PCCB: variants seen among roughly 807,000 people sequenced by gnomAD.
PCCB encodes propionyl-CoA carboxylase subunit beta.
A neutral mutation model predicts 60.7 loss-of-function variants in PCCB; 43 were observed. That is an observed-to-expected ratio of 0.71 (90% CI 0.55 to 0.91). The LOEUF is 0.91. Among genes scored for constraint, PCCB ranks in the 40% least tolerant of loss-of-function variants. The pLI is 0.00. For synonymous variants in PCCB, 276 were observed against 255.9 expected (o/e 1.08, Z -0.75); for missense variants, 766 against 702.8 (o/e 1.09, Z -1.02).
At chr3:136,298,213 T>A in intron 8 of PCCB, 141 bp downstream of exon 8, 1 of 995,810 alleles carries the variant, frequency 1.0e-6, no homozygotes, top group East Asian at 2.4e-5. Context: ...GGGGATGATG[T>A]CATGTTTGGC....
intron 6 of PCCB, 60 bp downstream of exon 6, chr3:136,284,007 A>C: frequency 2.0e-6 from 2 of 1,020,824 alleles, no homozygotes; most frequent in Non-Finnish European, 3.1e-6. Context: ...CTTACCTGCA[A>C]TAAAAATAAT....
chr3:136,261,486 TACTA>T (rs1310053403), intron 4 of PCCB, among the ~76,000 whole-genome samples: 4 of 152,234 alleles, frequency 2.6e-5, no homozygotes, highest in African/African-American at 7.2e-5. Flanking sequence ...CTGTCGGAAT[TACTA>T]ACCCATGAGG....
chr3:136,303,870 C>G (rs1275930267), intron 9 of PCCB, among the ~76,000 whole-genome samples: 1 of 122,726 alleles, frequency 8.1e-6, no homozygotes, highest in African/African-American at 2.5e-5. Context: ...CCACAAAGTG[C>G]TGGGATTACA....
intron 9 of PCCB, among the ~76,000 whole-genome samples, chr3:136,314,683 C>G (rs927018514): frequency 6.6e-6 from 1 of 150,486 alleles, no homozygotes; most frequent in Non-Finnish European, 1.5e-5. Flanking sequence ...AACAAAAAAA[C>G]AAAACAAAAA....
chr3:136,315,357 AAC>A (rs1256117757), intron 9 of PCCB, among the ~76,000 whole-genome samples: 1 of 151,550 alleles, frequency 6.6e-6, no homozygotes, highest in Non-Finnish European at 1.5e-5. Flanking sequence ...AACATGGTGA[AAC>A]CATCTCTAAA....
At chr3:136,324,474 T>C (rs140555794) in intron 10 of PCCB, among the ~76,000 whole-genome samples, 126 of 152,322 alleles carry the variant, frequency 8.3e-4, no homozygotes, top group African/African-American at 3.0e-3. Context: ...TCAACTTCTT[T>C]TCTTATTTCC....
In PCCB at chr3:136,260,512, G is replaced by A. The variant is rs1474545455; in HGVS notation, c.406G>A (p.Ala136Thr). The change falls in exon 4 of 15, where the codon GCA becomes ACA. Residue 136 changes from alanine to threonine, a missense_variant. Physicochemically the swap from Ala to Thr is moderately conservative, Grantham distance 58. Transcript: ENST00000251654. ...AGTTTTTGGAGGCAGTCTGTCAGGA[G>A]CACATGCCCAAAAGATCTGCAAAGT... ...FTVFGGSLSGAHAQKICKIMD... is the reference protein window; with the variant it reads ...FTVFGGSLSGTHAQKICKIMD... The A allele has an allele frequency of 4.3e-6, 7 of 1,613,676 alleles. No individual in the cohort carries two copies. The highest frequency in any genetic ancestry group is 3.3e-5 in the Admixed American group (2 of 60,006).
intron 5 of PCCB, among the ~76,000 whole-genome samples, chr3:136,269,740 G>C (rs1268999096): frequency 6.6e-6 from 1 of 152,012 alleles, no homozygotes; most frequent in East Asian, 1.9e-4. Flanking sequence ...AAAAAAATTA[G>C]CCGGGTGTGG....
intron 8 of PCCB, among the ~76,000 whole-genome samples, chr3:136,299,878 G>A (rs148307684): frequency 1.8e-4 from 27 of 148,768 alleles, no homozygotes; most frequent in African/African-American, 5.9e-4. Context: ...ATGCATGCAT[G>A]TGTATGTACG....
intron 9 of PCCB, among the ~76,000 whole-genome samples, chr3:136,302,099 G>A (rs1205359228): frequency 6.6e-6 from 1 of 152,236 alleles, no homozygotes; most frequent in Non-Finnish European, 1.5e-5. Context: ...GCACCTCTGT[G>A]ATCAGAAGCA....
At chr3:136,299,904 G>A (rs1222481725) in intron 8 of PCCB, among the ~76,000 whole-genome samples, 3 of 151,764 alleles carry the variant, frequency 2.0e-5, no homozygotes, top group African/African-American at 7.3e-5. Context: ...GCGTACATAT[G>A]TATGCATGTA....
intron 3 of PCCB, chr3:136,259,338 G>A: frequency 2.5e-6 from 1 of 395,802 alleles, no homozygotes; most frequent in South Asian, 1.1e-4. Context: ...GGTGGCACGT[G>A]CCTGTAATCC....
At position 136,291,902 on chromosome 3, in the gene PCCB, T is replaced by C. The variant is rs575607957; in HGVS notation, c.655-1854T>C. ...ACAAAAGTGTGGGAGCCCCCAATGA[T>C]TGGCCGGCCCTGGAGTCTTGATCTC... On this transcript the variant is annotated intron_variant, in intron 6 of 14. Coordinates refer to ENST00000251654, the MANE Select transcript of PCCB (RefSeq NM_000532.5). Among the ~76,000 whole-genome samples the C allele has an allele frequency of 3.3e-5, 5 of 152,308 alleles. No homozygotes were observed. The East Asian group carries it at 9.6e-4, about 29-fold the overall frequency.
At chr3:136,328,712 C>T (rs747595577) in intron 13 of PCCB, 46 bp from the exon 14 acceptor site, 3 of 1,454,644 alleles carry the variant, frequency 2.1e-6, no homozygotes, top group Non-Finnish European at 2.9e-6. Flanking sequence ...GGAGATCTGT[C>T]CAGGTTGGGA....
intron 6 of PCCB, among the ~76,000 whole-genome samples, chr3:136,290,324 C>G (rs1933616682): frequency 6.6e-6 from 1 of 152,144 alleles, no homozygotes; most frequent in African/African-American, 2.4e-5. Context: ...GATCTTTCCC[C>G]TCAACACTTT....
chr3:136,309,278 AAAG>A (rs1248174397), intron 9 of PCCB, among the ~76,000 whole-genome samples: 5 of 151,574 alleles, frequency 3.3e-5, no homozygotes, highest in African/African-American at 9.7e-5. Flanking sequence ...AAAAAAAAAA[AAAG>A]AAAAGAAAAA....
intron 5 of PCCB, among the ~76,000 whole-genome samples, chr3:136,266,694 T>C (rs1941992529): frequency 6.6e-6 from 1 of 152,230 alleles, no homozygotes; most frequent in South Asian, 2.1e-4. Context: ...TATGTACATA[T>C]TAGTCATTTG....
At chr3:136,327,816 G>T in intron 13 of PCCB, 84 bp downstream of exon 13, 1 of 1,131,032 alleles carries the variant, frequency 8.8e-7, no homozygotes, top group Non-Finnish European at 1.3e-6. Flanking sequence ...GGAAATGTTG[G>T]AGAGAGGCCA....
intron 5 of PCCB, among the ~76,000 whole-genome samples, chr3:136,271,788 T>C (rs1215736406): frequency 1.3e-5 from 2 of 152,182 alleles, no homozygotes; most frequent in South Asian, 2.1e-4. Flanking sequence ...CAAGTATATA[T>C]GATCATATCA....
Sources: allele counts gnomAD v4.1 joint callset (sites outside exome capture counted in the v4.1 genomes callset), GRCh38; gene constraint gnomAD v4.1.1; transcripts MANE v1.5; gene names NCBI Gene and HGNC (gene_info 2026-07-23, HGNC 2026-07-21).